The following TENM1 variants were observed in gnomAD, a reference collection of about 807,000 sequenced individuals.
TENM1 encodes the protein teneurin-1.
In TENM1, 35 loss-of-function variants were observed where a neutral mutation model predicts 174.8. The observed-to-expected ratio is 0.20, with a 90% CI of 0.15 to 0.27. The LOEUF (loss-of-function observed/expected upper bound fraction) is 0.27. TENM1 is among the 10% of genes least tolerant of loss of function. The probability of loss-of-function intolerance (pLI) is 1.00; values close to 1 mark genes in which losing one functional copy is unlikely to be tolerated. For synonymous variants in TENM1, 781 were observed against 798.7 expected (o/e 0.98, Z 0.37); for missense variants, 1,633 against 2,130.1 (o/e 0.77, Z 4.59).
intron 19 of TENM1, among the ~76,000 whole-genome samples, chrX:124,502,296 C>G (rs920146772): frequency 8.9e-6 from 1 of 112,566 alleles, no homozygotes; most frequent in Non-Finnish European, 1.9e-5. Context: ...GGGGGCCCCC[C>G]CCAAAGCCAA....
intron 1 of TENM1, among the ~76,000 whole-genome samples, chrX:124,917,161 C>G (rs1452801443): frequency 9.0e-6 from 1 of 111,472 alleles, no homozygotes; most frequent in African/African-American, 3.3e-5. Context: ...GAGCAGTCAG[C>G]AGTAGCCAGC....
intron 11 of TENM1, among the ~76,000 whole-genome samples, chrX:124,612,602 T>G (rs148978144): frequency 9.0e-6 from 1 of 111,355 alleles, no homozygotes; most frequent in Non-Finnish European, 1.9e-5. Flanking sequence ...AGAGAAGAGA[T>G]TTCTTGTGCT....
At chrX:124,724,896 A>AGT (rs1173277885) in intron 4 of TENM1, among the ~76,000 whole-genome samples, 1 of 111,418 alleles carries the variant, frequency 9.0e-6, no homozygotes, top group Admixed American at 9.5e-5. Context: ...TGTCTTCATG[A>AGT]GTGGAATTAG....
At chrX:125,058,463 ATAATT>A in the TENM1 span, among the ~76,000 whole-genome samples, 4 of 111,859 alleles carry the variant, frequency 3.6e-5, no homozygotes, top group African/African-American at 1.3e-4. Context: ...TTTATGTGTA[ATAATT>A]TATTCTTCAG....
chrX:124,866,435 A>G (rs1024642337), intron 3 of TENM1, among the ~76,000 whole-genome samples: 1 of 111,939 alleles, frequency 8.9e-6, no homozygotes, highest in Non-Finnish European at 1.9e-5. Context: ...AAATTAATAA[A>G]GAAATTAAAA....
the TENM1 span, among the ~76,000 whole-genome samples, chrX:125,167,428 T>C: frequency 9.0e-6 from 1 of 111,488 alleles, no homozygotes; most frequent in African/African-American, 3.3e-5. Flanking sequence ...CCTACATGAT[T>C]TGGGGCTTAA....
the TENM1 span, among the ~76,000 whole-genome samples, chrX:125,183,460 C>T: frequency 4.5e-5 from 5 of 111,812 alleles, no homozygotes; most frequent in African/African-American, 1.6e-4. Flanking sequence ...GAACTCAATG[C>T]TCATGAAAGG....
chrX:124,672,155 C>T (rs2051939720), intron 5 of TENM1, among the ~76,000 whole-genome samples: 1 of 111,446 alleles, frequency 9.0e-6, no homozygotes, highest in Non-Finnish European at 1.9e-5. Context: ...TTCCATTCCC[C>T]TTAGTCATGT....
chrX:124,552,921 T>TC (rs2048606882), intron 14 of TENM1, among the ~76,000 whole-genome samples: 1 of 111,562 alleles, frequency 9.0e-6, no homozygotes, highest in African/African-American at 3.3e-5. Context: ...ATTTAAAATT[T>TC]CCCCGTCCTA....
At chrX:124,836,941 C>T (rs1024586452) in intron 3 of TENM1, among the ~76,000 whole-genome samples, 3 of 111,695 alleles carry the variant, frequency 2.7e-5, no homozygotes, top group Non-Finnish European at 5.6e-5. Flanking sequence ...TCTTACACTA[C>T]CAATGTCAGT....
intron 3 of TENM1, among the ~76,000 whole-genome samples, chrX:124,830,530 G>T: frequency 1.8e-5 from 2 of 111,462 alleles, no homozygotes. Context: ...GCCATGTAGT[G>T]ATCATCAACA....
At chrX:124,703,415 AT>A (rs776450029) in intron 5 of TENM1, among the ~76,000 whole-genome samples, 4 of 112,110 alleles carry the variant, frequency 3.6e-5, no homozygotes, top group Non-Finnish European at 7.5e-5. Flanking sequence ...ATGTAATAAA[AT>A]TTTGATATGG....
chrX:125,194,024 T>A, the TENM1 span, among the ~76,000 whole-genome samples: 2 of 111,039 alleles, frequency 1.8e-5, no homozygotes, highest in African/African-American at 3.3e-5. Flanking sequence ...GCTCAAGTAA[T>A]CCTCCTTCCT....
intron 11 of TENM1, among the ~76,000 whole-genome samples, chrX:124,615,091 G>A (rs907946797): frequency 5.4e-5 from 6 of 111,839 alleles, no homozygotes; most frequent in Admixed American, 4.7e-4. Flanking sequence ...GGAAGAAGAC[G>A]GCAAAGTGTT....
chrX:124,508,824 G>A (rs1173581144), intron 18 of TENM1, among the ~76,000 whole-genome samples: 1 of 111,734 alleles, frequency 8.9e-6, no homozygotes, highest in Admixed American at 9.5e-5. Flanking sequence ...GTGTACCTGG[G>A]CACTGCCCTC....
intron 18 of TENM1, among the ~76,000 whole-genome samples, chrX:124,517,285 C>A (rs750485575): frequency 8.1e-5 from 9 of 110,722 alleles, no homozygotes; most frequent in Non-Finnish European, 1.1e-4. Flanking sequence ...TACACACATA[C>A]CCCTGAACTT....
chrX:124,825,299 G>T (rs765966470), intron 3 of TENM1, among the ~76,000 whole-genome samples: 1 of 103,607 alleles, frequency 9.7e-6, no homozygotes, highest in African/African-American at 3.5e-5. Context: ...GATTACAGGC[G>T]CCCAGCACCA....
intron 4 of TENM1, among the ~76,000 whole-genome samples, chrX:124,726,088 G>A (rs560637230): frequency 5.4e-5 from 6 of 112,135 alleles, no homozygotes; most frequent in African/African-American, 1.9e-4. Flanking sequence ...TGCTATACTC[G>A]TATATTACAT....
chrX:124,783,536 G>C, intron 3 of TENM1, among the ~76,000 whole-genome samples: 1 of 111,181 alleles, frequency 9.0e-6, no homozygotes, highest in African/African-American at 3.3e-5. Context: ...GTGGTGAGAA[G>C]GGTATAGTTT....
Sources: gnomAD v4.1 joint callset for allele counts (sites outside exome capture counted in the v4.1 genomes callset) on GRCh38, gnomAD v4.1.1 for gene constraint, MANE v1.5 for transcripts, NCBI Gene and HGNC (gene_info 2026-07-23, HGNC 2026-07-21) for gene names.